The following DCC variants were observed in gnomAD, a reference collection of about 807,000 sequenced individuals.
The protein encoded by DCC is DCC netrin 1 receptor.
In DCC, 58 loss-of-function variants were observed where a neutral mutation model predicts 172.5. The ratio of observed to expected loss-of-function variants is 0.34; its 90% confidence interval spans 0.27 to 0.42. The LOEUF is 0.42. Ranked by LOEUF, DCC falls within the 10% of genes least tolerant of loss-of-function variation. DCC has a pLI of 1.00. For missense variants in DCC, 1,740 were observed against 1,791.0 expected, an observed-to-expected ratio of 0.97 and a Z score of 0.51; for synonymous variants, 709 against 644.5, an observed-to-expected ratio of 1.10 and a Z score of -1.52.
intron 2 of DCC, among the ~76,000 whole-genome samples, chr18:52,802,471 C>A: frequency 1.1e-5 from 1 of 87,132 alleles, no homozygotes; most frequent in Admixed American, 1.3e-4. Flanking sequence ...TAACTTTTTA[C>A]TCCCAGCAAT....
intron 12 of DCC, among the ~76,000 whole-genome samples, chr18:53,278,170 C>T (rs908664527): frequency 6.6e-6 from 1 of 151,810 alleles, no homozygotes; most frequent in Non-Finnish European, 1.5e-5. Flanking sequence ...GCACAGTGTA[C>T]ATTAAAAAAT....
chr18:53,003,975 T>A (rs2041606963), intron 5 of DCC, among the ~76,000 whole-genome samples: 1 of 152,200 alleles, frequency 6.6e-6, no homozygotes, highest in Non-Finnish European at 1.5e-5. Context: ...TATATACAAC[T>A]CTCATCAATA....
At chr18:53,513,286 C>T (rs1330268558) in intron 27 of DCC, among the ~76,000 whole-genome samples, 2 of 152,126 alleles carry the variant, frequency 1.3e-5, no homozygotes, top group Non-Finnish European at 2.9e-5. Context: ...ACCACCAGGC[C>T]TGCCCTAAAA....
intron 8 of DCC, among the ~76,000 whole-genome samples, chr18:53,164,555 G>C (rs1192951580): frequency 5.3e-5 from 8 of 152,288 alleles, no homozygotes; most frequent in African/African-American, 1.9e-4. Flanking sequence ...ATCCTGGCTT[G>C]TTATTTTACC....
At chr18:52,702,039 T>C (rs901009441) in intron 1 of DCC, among the ~76,000 whole-genome samples, 3 of 152,162 alleles carry the variant, frequency 2.0e-5, no homozygotes, top group African/African-American at 7.2e-5. Flanking sequence ...ATATAAGCCC[T>C]GGGGGGTAAT....
At chr18:53,453,920 A>G (rs984973577) in intron 23 of DCC, among the ~76,000 whole-genome samples, 2 of 152,214 alleles carry the variant, frequency 1.3e-5, no homozygotes, top group Non-Finnish European at 2.9e-5. Flanking sequence ...ATAGAATCAC[A>G]TGGTAGCATT....
At chr18:53,148,935 C>T (rs1301568285) in intron 7 of DCC, among the ~76,000 whole-genome samples, 1 of 143,100 alleles carries the variant, frequency 7.0e-6, no homozygotes, top group African/African-American at 2.7e-5. Flanking sequence ...ATGATCTCGG[C>T]TCACTGCAAC....
chr18:53,083,867 G>A (rs977678942), intron 7 of DCC, among the ~76,000 whole-genome samples: 1 of 152,160 alleles, frequency 6.6e-6, no homozygotes, highest in African/African-American at 2.4e-5. Flanking sequence ...GCAGAGACAT[G>A]TGAATATCAA....
chr18:52,629,777 C>T (rs1222287462), intron 1 of DCC, among the ~76,000 whole-genome samples: 2 of 151,914 alleles, frequency 1.3e-5, no homozygotes, highest in Admixed American at 6.6e-5. Flanking sequence ...AGTGAAACCC[C>T]GTCTCTACTA....
intron 1 of DCC, among the ~76,000 whole-genome samples, chr18:52,562,264 A>G (rs1037831298): frequency 1.3e-5 from 2 of 152,148 alleles, no homozygotes; most frequent in Non-Finnish European, 2.9e-5. Flanking sequence ...GGAAAGTGCT[A>G]TATGAACCGA....
At chr18:53,238,239 A>G (rs2056233574) in intron 12 of DCC, among the ~76,000 whole-genome samples, 1 of 152,184 alleles carries the variant, frequency 6.6e-6, no homozygotes, top group Non-Finnish European at 1.5e-5. Flanking sequence ...CTAATTTATT[A>G]TCTGATACGT....
intron 1 of DCC, among the ~76,000 whole-genome samples, chr18:52,443,154 A>G (rs1988021119): frequency 6.6e-6 from 1 of 152,222 alleles, no homozygotes; most frequent in Non-Finnish European, 1.5e-5. Flanking sequence ...TGGTCACTAT[A>G]AATACTGATG....
Position 53,333,714 on chromosome 18 carries a change from C to T in DCC, c.2165-5999C>T, listed in dbSNP as rs572889601. 2.0e-5 allele frequency among the ~76,000 whole-genome samples: 3 copies of T among 152,220 alleles called. No homozygotes were observed. The South Asian group carries it at 6.2e-4, about 32-fold the overall frequency. On this transcript the variant is annotated intron_variant, in intron 14 of 28. Transcript: ENST00000442544. ...GGCCTACAATGTGGTTTGAGAACAC[C>T]TTGGGGGGTTTTGAGCAGAGCAATA...
At chr18:52,515,928 GAAAA>G (rs34820684) in intron 1 of DCC, among the ~76,000 whole-genome samples, 1 of 115,066 alleles carries the variant, frequency 8.7e-6, no homozygotes, top group Non-Finnish European at 1.7e-5. Context: ...TTAGAAAATG[GAAAA>G]AAAAAAAAAA....
intron 1 of DCC, among the ~76,000 whole-genome samples, chr18:52,674,472 A>G (rs1422354796): frequency 1.3e-5 from 2 of 152,190 alleles, no homozygotes; most frequent in African/African-American, 4.8e-5. Context: ...TAGTCCACCA[A>G]TTCCAATGTT....
rs144209724 is a variant in DCC at position 53,427,052 on chromosome 18, C to A, written c.3164-8092C>A. ...CCTGCCTTTAGGATAAGCTTGTGAA[C>A]CACGCAGATGGGGGAGGCTTTTATG... On this transcript the variant is annotated intron_variant, in intron 21 of 28. Coordinates refer to ENST00000442544, the MANE Select transcript of DCC (RefSeq NM_005215.4). Among the ~76,000 whole-genome samples the A allele has an allele frequency of 4.6e-5, 7 of 152,194 alleles. No homozygotes were observed. In the East Asian group the frequency reaches 9.6e-4, roughly 21 times the overall value.
rs1050914190 is a variant in DCC, at chr18:53,534,918, A to C, written c.*4265A>C. ...TGAAGGACTTTTTTCTCTTACTCTC[A>C]ATAGAGAGCCTTTGTACATTGTCAT... On this transcript the variant is annotated 3_prime_UTR_variant, in exon 29 of 29. Coordinates refer to ENST00000442544, the MANE Select transcript of DCC (RefSeq NM_005215.4). 6.6e-6 allele frequency: 1 copy of C among 152,156 alleles called. No homozygotes were observed. Among genetic ancestry groups the C allele is most frequent in the Admixed American group, 6.5e-5 (1 of 15,278 alleles). The allele number at this position is 152,156 out of a possible 1,614,324, so 9.4% of individuals were successfully genotyped here. A position where few individuals can be genotyped will look rare whatever the true frequency, so the allele number is the denominator to read the frequency against.
chr18:53,049,831 C>T (rs7506807), intron 5 of DCC, among the ~76,000 whole-genome samples: 47,047 of 151,856 alleles, frequency 0.31, 8,398 homozygotes, highest in African/African-American at 0.49. Flanking sequence ...ATAGGTCAGA[C>T]GTATATATGA....
At chr18:52,943,345 A>AT (rs1174951249) in intron 5 of DCC, among the ~76,000 whole-genome samples, 1 of 151,992 alleles carries the variant, frequency 6.6e-6, no homozygotes, top group Non-Finnish European at 1.5e-5. Context: ...TTTTCCTTTG[A>AT]TTTTTCATCC....
Sources: allele counts gnomAD v4.1 joint callset (sites outside exome capture counted in the v4.1 genomes callset), GRCh38; gene constraint gnomAD v4.1.1; transcripts MANE v1.5; gene names NCBI Gene and HGNC (gene_info 2026-07-23, HGNC 2026-07-21).